The following GBP3 variants were observed in gnomAD, a reference collection of about 807,000 sequenced individuals.
GBP3 encodes guanylate-binding protein 3.
GBP3 carries 55 observed loss-of-function variants against 62.4 expected under a neutral mutation model. The ratio of observed to expected loss-of-function variants is 0.88; its 90% CI spans 0.71 to 1.10. The LOEUF (loss-of-function observed/expected upper bound fraction) is 1.10, where lower values mean the gene tolerates loss of function less well. Among genes scored for constraint, GBP3 ranks in the 50% least tolerant of loss-of-function variants. The probability of loss-of-function intolerance (pLI) is 0.00; values close to 1 mark genes in which losing one functional copy is unlikely to be tolerated. For synonymous variants in GBP3, 208 were observed against 259.2 expected (o/e 0.80, Z 1.90); for missense variants, 605 against 690.6 (o/e 0.88, Z 1.39).
rs535037575 is a variant in GBP3, at chr1:89,011,432, G to T, written c.1149+315C>A. Among the ~76,000 whole-genome samples, 7 of 139,630 alleles carry T rather than the reference G, an allele frequency of 5.0e-5. 1 individual carries two copies. Among genetic ancestry groups the T allele is most frequent in the African/African-American group, 1.5e-4 (6 of 40,626 alleles). 91.6% of individuals were successfully genotyped at this position (139,630 alleles called of 152,430 possible). A position where few individuals can be genotyped will look rare whatever the true frequency, so the allele number is the denominator to read the frequency against. On this transcript the variant is annotated intron_variant, in intron 7 of 10. Transcript: ENST00000370481. ...GAAGCCTGCTCAAGATAACTAAGAT[G>T]AAAATTTTCTTTGCATTTGGCTAGA...
At chr1:89,013,653 TG>T (rs1678714961) in intron 5 of GBP3, 1 of 534,868 alleles carries the variant, frequency 1.9e-6, no homozygotes, top group Admixed American at 3.4e-5. Flanking sequence ...GGCCATCATT[TG>T]TCTTAGGCTG....
chr1:89,021,804 A>AGAGAGAGAGG, intron 1 of GBP3, among the ~76,000 whole-genome samples: 1 of 146,540 alleles, frequency 6.8e-6, no homozygotes, highest in Non-Finnish European at 1.5e-5. Context: ...AGAGAGAGAG[A>AGAGAGAGAGG]GAGAGAGAGA....
At position 89,014,251 on chromosome 1, in the gene GBP3, G is replaced by A. The variant is rs555393443; in HGVS notation, c.457C>T (p.Arg153Ter). The change falls in exon 5 of 11, where the codon CGA (arginine) becomes TGA (stop). Residue 153 changes from arginine (R) to a stop codon, truncating the protein, a stop_gained. Coordinates refer to ENST00000370481, the MANE Select transcript of GBP3 (RefSeq NM_018284.3). LOFTEE classifies it high-confidence loss of function. ...TTCTCATCAGGTGAGGATTTTGATCGGATTCGATGTGTCAGCTCTGTCACA... is the reference window on the plus strand; with the variant it reads ...TTCTCATCAGGTGAGGATTTTGATCAGATTCGATGTGTCAGCTCTGTCACA... ...YYVTELTHRI[R>*]SKSSPDENEN... 9 of 1,614,090 alleles carry A rather than the reference G, an allele frequency of 5.6e-6. No homozygotes were observed. Among genetic ancestry groups the A allele is most frequent in the Middle Eastern group, 3.3e-4 (2 of 6,062 alleles).
chr1:89,021,516 A>ACACACACACG (rs1557734656), intron 1 of GBP3, among the ~76,000 whole-genome samples: 1 of 121,068 alleles, frequency 8.3e-6, no homozygotes, highest in African/African-American at 2.8e-5. Context: ...GCGCGCACAC[A>ACACACACACG]CACACACACA....
intron 6 of GBP3, 35 bp downstream of exon 6, chr1:89,013,150 T>C (rs1350108557): frequency 1.9e-6 from 3 of 1,600,360 alleles, no homozygotes; most frequent in Non-Finnish European, 2.6e-6. Context: ...CCTTTAGTTT[T>C]AACAATGAGT....
intron 10 of GBP3, 27 bp from the exon 11 acceptor site, chr1:89,007,879 T>TA: frequency 6.2e-7 from 1 of 1,603,754 alleles, no homozygotes; most frequent in Non-Finnish European, 8.5e-7. Flanking sequence ...GGAGGCTAAA[T>TA]AAGTGTAGCA....
At position 89,007,782 on chromosome 1, in the gene GBP3, A is replaced by G. The variant is rs759184009; in HGVS notation, c.1730T>C (p.Leu577Pro). 87 of 1,612,894 alleles carry G rather than the reference A, an allele frequency of 5.4e-5. No individual in the cohort carries two copies. Among genetic ancestry groups the G allele is most frequent in the Non-Finnish European group, 6.8e-5 (80 of 1,179,466 alleles). The change falls in exon 11 of 11, where the codon CTA becomes CCA. Residue 577 changes from leucine to proline, a missense_variant. Transcript: ENST00000370481. ...STQLQNEIQK[L>P]QKTLKKKTKR... The stretch of plus-strand genomic sequence containing the variant: ...GGTTTTTTTTTTCAGGGTCTTCTGT[A>G]GCTTTTGTATCTCATTTTGAAGTTG...
In GBP3 at chr1:89,019,891, A is replaced by G. The variant is rs1679086667; in HGVS notation, c.190+641T>C. On this transcript the variant is annotated intron_variant, in intron 2 of 10. Coordinates refer to ENST00000370481, the MANE Select transcript of GBP3 (RefSeq NM_018284.3). ...AACTACATACTTAATAATGGTTACAAGGATAAATTTTATGTTTATATATTT... is the reference window on the plus strand; with the variant it reads ...AACTACATACTTAATAATGGTTACAGGGATAAATTTTATGTTTATATATTT... Among the ~76,000 whole-genome samples the G allele has an allele frequency of 2.6e-5, 4 of 152,366 alleles. No homozygotes were observed. The South Asian group carries it at 8.3e-4, about 32-fold the overall frequency.
At chr1:89,017,499 C>T (rs1299297915) in intron 2 of GBP3, among the ~76,000 whole-genome samples, 1 of 152,052 alleles carries the variant, frequency 6.6e-6, no homozygotes, top group Admixed American at 6.5e-5. Flanking sequence ...AACTTTTGTG[C>T]ATCAAATGAC....
In GBP3 at chr1:89,010,784, G is replaced by A. The variant is rs1405598137; in HGVS notation, c.1362+120C>T. 7.1e-6 allele frequency: 9 copies of A among 1,266,916 alleles called. 3 individuals carry two copies. Among genetic ancestry groups the A allele is most frequent in the Non-Finnish European group, 1.0e-5 (9 of 882,020 alleles). The allele number at this position is 1,266,916 out of a possible 1,614,324, so 78.5% of individuals were successfully genotyped here. ...TCCCTCCCTGCATATGTTATTGAAT[G>A]AAAGCATGAATGTTATACAGACAAA... On this transcript the variant is annotated intron_variant, in intron 8 of 10. Transcript: ENST00000370481.
chr1:89,016,098 A>T (rs1197258616), intron 2 of GBP3, among the ~76,000 whole-genome samples: 1 of 152,254 alleles, frequency 6.6e-6, no homozygotes, highest in Non-Finnish European at 1.5e-5. Context: ...AAGTTGCAGC[A>T]TACAAAATTA....
At chr1:89,011,635 C>A in intron 7 of GBP3, 112 bp downstream of exon 7, 1 of 1,247,494 alleles carries the variant, frequency 8.0e-7, no homozygotes, top group South Asian at 1.5e-5. Flanking sequence ...CTAGTTGTCA[C>A]CATTTTAAAA....
At chr1:89,016,699 C>T (rs914661225) in intron 2 of GBP3, among the ~76,000 whole-genome samples, 2 of 152,200 alleles carry the variant, frequency 1.3e-5, no homozygotes, top group Non-Finnish European at 1.5e-5. Flanking sequence ...CTCAGCCTCC[C>T]GAGTAGCTGA....
chr1:89,018,953 G>C (rs115565774), intron 2 of GBP3, among the ~76,000 whole-genome samples: 1,719 of 152,254 alleles, frequency 0.011, 21 homozygotes, highest in African/African-American at 0.038. Flanking sequence ...GCCAGATCCC[G>C]CAATAAATAA....
rs368497896 is a variant in GBP3, at chr1:89,011,750, T to C, written c.1146A>G (p.Leu382=). 1.8e-5 allele frequency: 26 copies of C among 1,462,122 alleles called. 7 individuals carry two copies. The highest frequency in any genetic ancestry group is 2.5e-5 in the Non-Finnish European group (26 of 1,055,116). 90.6% of individuals were successfully genotyped at this position (1,462,122 alleles called of 1,614,324 possible). ...GTAAATGTGATAGAAAAATTACCGC[T>C]AATTTCTTTTGAAACAGATGGTCCA... ...KDVDHLFQKK[L]AAQLDKKRDD... Residue 382 remains leucine, a synonymous_variant, in exon 7 of 11, where the codon TTA becomes TTG. Coordinates refer to ENST00000370481, the MANE Select transcript of GBP3 (RefSeq NM_018284.3).
chr1:89,009,622 T>A, intron 8 of GBP3, 128 bp from the exon 9 acceptor site: 1 of 1,346,520 alleles, frequency 7.4e-7, no homozygotes, highest in Non-Finnish European at 1.0e-6. Flanking sequence ...GTGGTCAAGA[T>A]TCCCTATCAC....
chr1:89,021,165 A>G (rs1679168596), intron 1 of GBP3, among the ~76,000 whole-genome samples: 1 of 152,216 alleles, frequency 6.6e-6, no homozygotes, highest in Non-Finnish European at 1.5e-5. Flanking sequence ...ATTGTTTGAC[A>G]TATGCCCTTA....
intron 5 of GBP3, 155 bp downstream of exon 5, chr1:89,013,928 C>A: frequency 1.3e-6 from 1 of 745,744 alleles, no homozygotes; most frequent in Non-Finnish European, 2.1e-6. Context: ...TTTCAAAAAA[C>A]CTTTTCTATT....
Position 89,018,523 on chromosome 1 carries a change from T to G in GBP3, c.190+2009A>C, listed in dbSNP as rs1326386924. 3.9e-5 allele frequency among the ~76,000 whole-genome samples: 6 copies of G among 152,338 alleles called. No individual in the cohort carries two copies. The East Asian group carries it at 1.2e-3, about 29-fold the overall frequency. ...ACGTCTTGTTTCTATGGATTGTTTG[T>G]AACCAGCTTTTGCTGCAACTGTTAC... On this transcript the variant is annotated intron_variant, in intron 2 of 10. Transcript: ENST00000370481.
Sources: allele counts gnomAD v4.1 joint callset (sites outside exome capture counted in the v4.1 genomes callset), GRCh38; gene constraint gnomAD v4.1.1; transcripts MANE v1.5; gene names NCBI Gene and HGNC (gene_info 2026-07-23, HGNC 2026-07-21).